ADAMDEC1: variants seen among roughly 807,000 people sequenced by gnomAD.
ADAMDEC1 encodes the protein ADAM DEC1.
Under a neutral mutation model 60.4 loss-of-function variants are expected in ADAMDEC1, and 62 were observed. That is an observed-to-expected ratio of 1.03 (90% confidence interval 0.84 to 1.27). ADAMDEC1 has a LOEUF of 1.27. Among genes scored for constraint, ADAMDEC1 ranks in the 50% most tolerant of loss-of-function variants. The pLI is 0.00. For synonymous variants in ADAMDEC1, 210 were observed against 195.1 expected (o/e 1.08, Z -0.64); for missense variants, 595 against 565.0 (o/e 1.05, Z -0.54).
chr8:24,385,416 CA>C (rs949703285), intron 1 of ADAMDEC1, among the ~76,000 whole-genome samples: 4 of 151,996 alleles, frequency 2.6e-5, no homozygotes, highest in African/African-American at 9.7e-5. Flanking sequence ...ATACTATACC[CA>C]AAAGAAGGAT....
intron 12 of ADAMDEC1, among the ~76,000 whole-genome samples, chr8:24,403,114 A>T (rs1032758642): frequency 1.3e-5 from 2 of 152,128 alleles, no homozygotes; most frequent in Non-Finnish European, 2.9e-5. Context: ...TGTATACACA[A>T]TATGTAACAT....
intron 11 of ADAMDEC1, among the ~76,000 whole-genome samples, chr8:24,401,374 T>C (rs1354361433): frequency 1.3e-5 from 2 of 152,198 alleles, no homozygotes; most frequent in Admixed American, 1.3e-4. Flanking sequence ...CCATCATCAA[T>C]CAACCAATCA....
intron 11 of ADAMDEC1, among the ~76,000 whole-genome samples, chr8:24,400,867 AT>A (rs975646695): frequency 7.1e-6 from 1 of 139,876 alleles, no homozygotes; most frequent in African/African-American, 2.7e-5. Context: ...ATTCCCACCT[AT>A]GAGTAAGAAA....
At chr8:24,405,030 A>G (rs1209413450) in intron 13 of ADAMDEC1, among the ~76,000 whole-genome samples, 4 of 152,164 alleles carry the variant, frequency 2.6e-5, no homozygotes, top group Admixed American at 6.5e-5. Flanking sequence ...AAGATAGGCA[A>G]TTTATACCAT....
At chr8:24,393,463 T>C in intron 3 of ADAMDEC1, 125 bp downstream of exon 3, 1 of 557,116 alleles carries the variant, frequency 1.8e-6, no homozygotes, top group African/African-American at 1.9e-5. Context: ...CTTTAGATGA[T>C]ACTAGTTTGT....
In ADAMDEC1 at chr8:24,405,409, T is replaced by C; in HGVS notation, c.*111T>C. On this transcript the variant is annotated 3_prime_UTR_variant, in exon 14 of 14. Coordinates refer to ENST00000256412, the MANE Select transcript of ADAMDEC1 (RefSeq NM_014479.3). ...ACCCATAATGGTCTTTCACTTGTCA[T>C]TCTACTTTCTATATTGTTATCAGTC... 4 of 1,236,606 alleles carry C rather than the reference T, an allele frequency of 3.2e-6. No individual in the cohort carries two copies. Among genetic ancestry groups the C allele is most frequent in the Non-Finnish European group, 4.7e-6 (4 of 858,928 alleles). 76.6% of individuals were successfully genotyped at this position (1,236,606 alleles called of 1,614,324 possible).
chr8:24,394,007 T>G, intron 3 of ADAMDEC1, 62 bp from the exon 4 acceptor site: 1 of 1,105,650 alleles, frequency 9.0e-7, no homozygotes, highest in Non-Finnish European at 1.4e-6. Flanking sequence ...AGTGCTGAAG[T>G]TCAGGAAGTT....
Position 24,398,565 on chromosome 8 carries a change from C to A in ADAMDEC1, c.762+14C>A. ...CTACTCAATGTGGTAAGACATTAGT[C>A]ATGTAAACCTCATGTTTCTGCATAG... On this transcript the variant is annotated intron_variant, in intron 8 of 13. Transcript: ENST00000256412. 1 of 1,557,320 alleles carries A rather than the reference C, an allele frequency of 6.4e-7. No individual in the cohort carries two copies. Among genetic ancestry groups the A allele is most frequent in the South Asian group, 1.1e-5 (1 of 87,024 alleles).
intron 5 of ADAMDEC1, among the ~76,000 whole-genome samples, chr8:24,396,063 A>C (rs78753282): frequency 0.026 from 3,918 of 152,238 alleles, 167 homozygotes; most frequent in African/African-American, 0.09. Flanking sequence ...TGTTTATCCA[A>C]CCTACTCTCT....
At chr8:24,401,777 C>T in intron 11 of ADAMDEC1, 138 bp from the exon 12 acceptor site, 1 of 743,370 alleles carries the variant, frequency 1.3e-6, no homozygotes, top group Non-Finnish European at 2.1e-6. Flanking sequence ...TAAATGGTTG[C>T]CAAATTTGGA....
chr8:24,404,206 A>T (rs1283018870), intron 13 of ADAMDEC1, 118 bp downstream of exon 13: 1 of 861,734 alleles, frequency 1.2e-6, no homozygotes, highest in Admixed American at 2.8e-5. Flanking sequence ...ATATTTTTCA[A>T]ACGACTCAAT....
At chr8:24,394,331 T>C (rs1817550159) in intron 4 of ADAMDEC1, among the ~76,000 whole-genome samples, 184 bp downstream of exon 4, 1 of 152,158 alleles carries the variant, frequency 6.6e-6, no homozygotes, top group South Asian at 2.1e-4. Context: ...AGACAACAGT[T>C]TGGAAAATCA....
In ADAMDEC1 at chr8:24,395,809, AT is replaced by A. The variant is rs1187793455; in HGVS notation, c.440+14del. ...GTGACGGGTTGAGGTAAGAACTACCATCAAAATTACTCAAGATCAAGAAGCT... is the reference window on the plus strand; with the variant it reads ...GTGACGGGTTGAGGTAAGAACTACCACAAAATTACTCAAGATCAAGAAGCT... On this transcript the variant is annotated intron_variant, in intron 5 of 13. Coordinates refer to ENST00000256412, the MANE Select transcript of ADAMDEC1 (RefSeq NM_014479.3). 3 of 1,599,002 alleles carry A rather than the reference AT, an allele frequency of 1.9e-6. No individual in the cohort carries two copies. The African/African-American group carries it at 4.0e-5, about 21-fold the overall frequency.
intron 5 of ADAMDEC1, among the ~76,000 whole-genome samples, chr8:24,396,481 T>C (rs891388379): frequency 1.1e-4 from 17 of 152,152 alleles, no homozygotes; most frequent in Admixed American, 8.5e-4. Context: ...CACTGCACTC[T>C]AGCTTGGGCG....
intron 1 of ADAMDEC1, among the ~76,000 whole-genome samples, chr8:24,385,664 A>C (rs1016552412): frequency 5.3e-5 from 8 of 152,112 alleles, no homozygotes; most frequent in Non-Finnish European, 1.2e-4. Context: ...CACAGAACTA[A>C]CTTCCTGGCC....
intron 3 of ADAMDEC1, among the ~76,000 whole-genome samples, chr8:24,393,669 A>G (rs75344460): frequency 0.024 from 3,603 of 152,268 alleles, 133 homozygotes; most frequent in African/African-American, 0.083. Context: ...TGCATGGCCT[A>G]GAGATAGATT....
chr8:24,392,880 T>G (rs1169829359), intron 2 of ADAMDEC1, among the ~76,000 whole-genome samples: 1 of 143,286 alleles, frequency 7.0e-6, no homozygotes, highest in East Asian at 2.0e-4. Context: ...CTTAGTGGGT[T>G]GAGAGGTTTT....
intron 11 of ADAMDEC1, among the ~76,000 whole-genome samples, chr8:24,401,307 C>G (rs980908284): frequency 6.6e-5 from 10 of 152,006 alleles, no homozygotes; most frequent in African/African-American, 2.4e-4. Flanking sequence ...GAAAATGAAC[C>G]CATAGTTTCT....
At chr8:24,403,265 A>T (rs940748299) in intron 12 of ADAMDEC1, among the ~76,000 whole-genome samples, 1 of 152,154 alleles carries the variant, frequency 6.6e-6, no homozygotes, top group African/African-American at 2.4e-5. Context: ...TTTTCCAAAA[A>T]GTAGTATGTA....
Sources: allele counts gnomAD v4.1 joint callset (sites outside exome capture counted in the v4.1 genomes callset), GRCh38; gene constraint gnomAD v4.1.1; transcripts MANE v1.5; gene names NCBI Gene and HGNC (gene_info 2026-07-23, HGNC 2026-07-21).